Variants in NPIPA5 observed in about 807,000 individuals in gnomAD.
NPIPA5 encodes the protein nuclear pore complex interacting protein family member A5.
Under a neutral mutation model 21.4 loss-of-function variants are expected in NPIPA5, and 6 were observed. The observed-to-expected ratio is 0.28, with a 90% CI of 0.15 to 0.55. The LOEUF (loss-of-function observed/expected upper bound fraction) is 0.55. NPIPA5 is among the 20% of genes least tolerant of loss of function. The pLI, the probability that NPIPA5 is intolerant of heterozygous loss-of-function variation, is 0.93. For missense variants in NPIPA5, 99 were observed against 318.2 expected (o/e 0.31, Z 5.24); for synonymous variants, 33 against 115.3 (o/e 0.29, Z 4.57).
chr16:15,372,517 T>C (rs963280742), intron 2 of NPIPA5, among the ~76,000 whole-genome samples: 3 of 145,814 alleles, frequency 2.1e-5, no homozygotes, highest in Non-Finnish European at 4.5e-5. Flanking sequence ...AAAAGCTTCC[T>C]CCAATTTATA....
At chr16:15,368,951 C>T (rs1451275929) in intron 4 of NPIPA5, among the ~76,000 whole-genome samples, 2 of 108,314 alleles carry the variant, frequency 1.8e-5, no homozygotes, top group African/African-American at 6.7e-5. Context: ...TGCACTCTAG[C>T]CTGGGTGACA....
rs2049986118 is a variant in NPIPA5, at chr16:15,366,750, G to C, written c.448C>G (p.Leu150Val). ...CCGTGCTCACGTTCTTTCATGCTTA[G>C]TTTCCTCAGACTAGAAGGGAGAGAA... ...RKTAKEHLRKLSMKEREHGEK... is the reference protein window; with the variant it reads ...RKTAKEHLRKVSMKEREHGEK... The change falls in exon 5 of 8, where the codon CTA becomes GTA. Residue 150 changes from leucine to valine, a missense_variant. By Grantham distance (32) the Leu-to-Val change is conservative (BLOSUM62 1). Coordinates refer to ENST00000360151, the MANE Select transcript of NPIPA5 (RefSeq NM_001277325.2). The C allele has an allele frequency of 1.3e-6, 2 of 1,510,426 alleles. No homozygotes were observed. The highest frequency in any genetic ancestry group is 1.8e-6 in the Non-Finnish European group (2 of 1,137,482). The allele number at this position is 1,510,426 out of a possible 1,614,324, so 93.6% of individuals were successfully genotyped here.
At chr16:15,379,774 A>G (rs1189462240), upstream of NPIPA5, among the ~76,000 whole-genome samples, 1 of 151,852 alleles carries the variant, frequency 6.6e-6, no homozygotes, top group Non-Finnish European at 1.5e-5. Context: ...GTGAAACCCC[A>G]TCTCTACTAA....
upstream of NPIPA5, chr16:15,381,038 G>C (rs1297427872): frequency 1.3e-6 from 2 of 1,515,718 alleles, no homozygotes; most frequent in East Asian, 4.9e-5. Flanking sequence ...ACAATAGAGA[G>C]CTTCACCATT....
intron 7 of NPIPA5, chr16:15,365,048 G>C: frequency 1.6e-6 from 1 of 627,248 alleles, no homozygotes; most frequent in South Asian, 2.6e-5. Flanking sequence ...TGTAATCATA[G>C]GACTCGGCAG....
At chr16:15,369,077 G>A (rs2050069448) in intron 4 of NPIPA5, among the ~76,000 whole-genome samples, 1 of 149,502 alleles carries the variant, frequency 6.7e-6, no homozygotes, top group Non-Finnish European at 1.5e-5. Context: ...GCTTCAAACT[G>A]GGAGGCAGAG....
chr16:15,372,649 A>G (rs914937480), intron 2 of NPIPA5, among the ~76,000 whole-genome samples: 15 of 145,604 alleles, frequency 1.0e-4, no homozygotes, highest in African/African-American at 3.2e-4. Flanking sequence ...ATGACGTGTA[A>G]TTATCTAGGC....
At chr16:15,373,335 TTTC>T (rs1181390669) in intron 2 of NPIPA5, among the ~76,000 whole-genome samples, 1 of 116,428 alleles carries the variant, frequency 8.6e-6, no homozygotes, top group Non-Finnish European at 1.8e-5. Flanking sequence ...TGTCAGCTCA[TTTC>T]TGCAGTGAAT....
intron 4 of NPIPA5, among the ~76,000 whole-genome samples, chr16:15,367,083 C>G (rs1237509596): frequency 1.3e-5 from 2 of 152,092 alleles, no homozygotes; most frequent in African/African-American, 4.8e-5. Context: ...CAGTCTTGTG[C>G]TTGACACAGC....
At chr16:15,369,604 C>A (rs2050091742) in intron 4 of NPIPA5, 108 bp downstream of exon 4, 2 of 599,848 alleles carry the variant, frequency 3.3e-6, no homozygotes, top group African/African-American at 3.7e-5. Flanking sequence ...TTTGAACCCA[C>A]TGAATTTGCC....
chr16:15,363,811 C>T lies in NPIPA5; in HGVS notation c.901G>A (p.Ala301Thr), dbSNP rs1385716298. 5 of 1,363,552 alleles carry T rather than the reference C, an allele frequency of 3.7e-6. No homozygotes were observed. Among genetic ancestry groups the T allele is most frequent in the Non-Finnish European group, 3.9e-6 (4 of 1,029,382 alleles). The allele number at this position is 1,363,552 out of a possible 1,614,324, so 84.5% of individuals were successfully genotyped here. Residue 301 changes from alanine to threonine, a missense_variant, in exon 8 of 8, where the codon GCG (alanine) becomes ACG (threonine). Ala to Thr is a moderately conservative substitution (Grantham distance 58). Around this residue, in one of 5 missense-constraint regions of NPIPA5, gnomAD observed 75 missense variants for 138.5 expected, o/e 0.54. Coordinates refer to ENST00000360151, the MANE Select transcript of NPIPA5 (RefSeq NM_001277325.2). ...GCAGGTGTCTTGAGATTATCATCCG[C>T]TGAGGGTAGAGCTGAGGGTGGAAGG... ...TPLPPSALPSADDNLKTPAEC... is the reference protein window; with the variant it reads ...TPLPPSALPSTDDNLKTPAEC...
At chr16:15,369,551 A>G (rs1271746099) in intron 4 of NPIPA5, among the ~76,000 whole-genome samples, 161 bp downstream of exon 4, 1 of 151,992 alleles carries the variant, frequency 6.6e-6, no homozygotes, top group Non-Finnish European at 1.5e-5. Context: ...AGGGAAAGGA[A>G]TTATACAGCT....
upstream of NPIPA5, among the ~76,000 whole-genome samples, chr16:15,379,058 T>C (rs2050376306): frequency 6.6e-6 from 1 of 151,738 alleles, no homozygotes; most frequent in African/African-American, 2.4e-5. Context: ...CCTGGCCCTG[T>C]CCTCAGCTAA....
chr16:15,380,024 T>C (rs1298948231), upstream of NPIPA5, among the ~76,000 whole-genome samples: 2 of 151,636 alleles, frequency 1.3e-5, no homozygotes, highest in Non-Finnish European at 2.9e-5. Flanking sequence ...TCTCTATAAA[T>C]CTCAAAAATA....
At chr16:15,369,227 G>C (rs1020517968) in intron 4 of NPIPA5, among the ~76,000 whole-genome samples, 7 of 148,136 alleles carry the variant, frequency 4.7e-5, no homozygotes, top group Non-Finnish European at 1.5e-5. Context: ...AGGCTGAGGC[G>C]GGTGGATTAC....
rs2150859375 is a variant in NPIPA5 at position 15,369,753 on chromosome 16, AC to A, written c.395del (p.Arg132LeufsTer16). 1.0e-6 allele frequency: 1 copy of A among 1,004,308 alleles called. No homozygotes were observed. Among genetic ancestry groups the A allele is most frequent in the African/African-American group, 1.9e-5 (1 of 51,996 alleles). The allele number at this position is 1,004,308 out of a possible 1,614,324, so 62.2% of individuals were successfully genotyped here. A position where few individuals can be genotyped will look rare whatever the true frequency, so the allele number is the denominator to read the frequency against. ...TCCTCTTTCCATTGATTTTGTCATG[AC>A]GGTTGACTTTTGTTGTCACCTTCAT... The part of the protein sequence containing the change: ...RKMKVTTKVN[R>X]HDKINGKRKT... On this transcript the variant is annotated frameshift_variant, in exon 4 of 8. Coordinates refer to ENST00000360151, the MANE Select transcript of NPIPA5 (RefSeq NM_001277325.2). LOFTEE classifies it high-confidence loss of function.
Position 15,363,658 on chromosome 16 carries a change from A to T in NPIPA5, c.*1T>A. 3 of 1,338,544 alleles carry T rather than the reference A, an allele frequency of 2.2e-6. No homozygotes were observed. The highest frequency in any genetic ancestry group is 3.0e-6 in the Non-Finnish European group (3 of 1,013,830). 82.9% of individuals were successfully genotyped at this position (1,338,544 alleles called of 1,614,324 possible). Reference sequence around the variant, plus strand: ...TTTTTATATTATTTATTTATTCTTCATTAGTTTCTTGAGATTATCATCCGC... The same window carrying T: ...TTTTTATATTATTTATTTATTCTTCTTTAGTTTCTTGAGATTATCATCCGC... On this transcript the variant is annotated 3_prime_UTR_variant, in exon 8 of 8. Transcript: ENST00000360151.
chr16:15,381,174 G>A, upstream of NPIPA5: 1 of 608,154 alleles, frequency 1.6e-6, no homozygotes, highest in Non-Finnish European at 2.9e-6. Flanking sequence ...CTTCAGAAAA[G>A]GACAGAACCA....
chr16:15,372,093 G>GGT lies in NPIPA5; in HGVS notation c.192+1621_192+1622insAC, dbSNP rs2050170716. ...ATGATGTCCCTGCTTAGGAGGTAAT[G>GGT]ACTAGATGACAAGGACAAAGATGAG... is the stretch of plus-strand genomic sequence containing the variant. On this transcript the variant is annotated intron_variant, in intron 2 of 7. Transcript: ENST00000360151. Among the ~76,000 whole-genome samples, 5 of 148,850 alleles carry GGT rather than the reference G, an allele frequency of 3.4e-5. No homozygotes were observed. The Admixed American group carries it at 3.5e-4, about 10-fold the overall frequency.
Sources: gnomAD v4.1 joint callset for allele counts (sites outside exome capture counted in the v4.1 genomes callset) on GRCh38, gnomAD v4.1.1 for gene constraint, gnomAD v4.1.1 regional missense constraint, MANE v1.5 for transcripts, NCBI Gene and HGNC (gene_info 2026-07-23, HGNC 2026-07-21) for gene names.